CSGALNACT1: variants seen among roughly 807,000 people sequenced by gnomAD.
CSGALNACT1 encodes the protein chondroitin sulfate N-acetylgalactosaminyltransferase 1.
Under a neutral mutation model 51.0 loss-of-function variants are expected in CSGALNACT1, and 52 were observed. The observed-to-expected ratio is 1.02, with a 90% CI of 0.82 to 1.29. The LOEUF is 1.29. CSGALNACT1 is among the 50% of genes most tolerant of loss of function. The pLI is 0.00. For synonymous variants in CSGALNACT1, 341 were observed against 254.4 expected, an observed-to-expected ratio of 1.34 and a Z score of -3.24; for missense variants, 935 against 679.2, an observed-to-expected ratio of 1.38 and a Z score of -4.19.
chr8:19,469,473 A>G (rs560875017), intron 4 of CSGALNACT1, among the ~76,000 whole-genome samples: 27 of 152,294 alleles, frequency 1.8e-4, no homozygotes, highest in African/African-American at 6.3e-4. Flanking sequence ...TAGTCTTATC[A>G]ATAAGTTTCA....
At chr8:19,672,717 G>T (rs1453056046) in intron 1 of CSGALNACT1, among the ~76,000 whole-genome samples, 3 of 151,918 alleles carry the variant, frequency 2.0e-5, no homozygotes, top group Non-Finnish European at 4.4e-5. Context: ...TCCAACCATA[G>T]TATTTAGCTG....
intron 4 of CSGALNACT1, among the ~76,000 whole-genome samples, chr8:19,459,380 C>G (rs2064861959): frequency 1.0e-5 from 1 of 95,768 alleles, no homozygotes; most frequent in African/African-American, 4.5e-5. Context: ...GAAACTTTAT[C>G]TCAAAAAAAA....
intron 1 of CSGALNACT1, among the ~76,000 whole-genome samples, chr8:19,705,538 C>T (rs1367463825): frequency 6.6e-6 from 1 of 152,104 alleles, no homozygotes; most frequent in Admixed American, 6.5e-5. Flanking sequence ...GAGCTCAAGA[C>T]CAGCTTAGGC....
chr8:19,546,631 A>T (rs1049768856), intron 3 of CSGALNACT1, among the ~76,000 whole-genome samples: 2 of 152,218 alleles, frequency 1.3e-5, no homozygotes, highest in African/African-American at 4.8e-5. Flanking sequence ...CCAAGTCAGT[A>T]TTCTCATGAA....
At chr8:19,610,380 C>G (rs1038124990) in intron 1 of CSGALNACT1, among the ~76,000 whole-genome samples, 1 of 151,802 alleles carries the variant, frequency 6.6e-6, no homozygotes, top group African/African-American at 2.4e-5. Context: ...GATTCCAACC[C>G]CCACGGACCT....
At chr8:19,601,422 G>A (rs1232680495) in intron 2 of CSGALNACT1, among the ~76,000 whole-genome samples, 4 of 152,180 alleles carry the variant, frequency 2.6e-5, no homozygotes, top group Non-Finnish European at 4.4e-5. Context: ...TCCAATGGGA[G>A]AACAAATGTC....
intron 4 of CSGALNACT1, among the ~76,000 whole-genome samples, chr8:19,470,784 C>T (rs917728981): frequency 2.6e-5 from 4 of 152,082 alleles, no homozygotes; most frequent in African/African-American, 7.2e-5. Context: ...GAAGCAATGT[C>T]CTGGGAACAT....
intron 1 of CSGALNACT1, among the ~76,000 whole-genome samples, chr8:19,663,198 T>A (rs748650258): frequency 6.6e-6 from 1 of 152,118 alleles, no homozygotes; most frequent in African/African-American, 2.4e-5. Context: ...CAGCAGTCTA[T>A]TAAAAAAGAT....
upstream of CSGALNACT1, among the ~76,000 whole-genome samples, chr8:19,604,935 G>GT (rs2051153349): frequency 7.6e-6 from 1 of 131,472 alleles, no homozygotes; most frequent in Non-Finnish European, 1.6e-5. Flanking sequence ...AAAAAAAAAA[G>GT]TAAGTATGGG....
rs185016052 is a variant in CSGALNACT1 at position 19,656,648 on chromosome 8, A to T, written c.-544+25825T>A. On this transcript the variant is annotated intron_variant, in intron 1 of 9. Transcript: ENST00000332246. ...AAAGACTTCAAACATTAGAATTATCAAACATGAAATATCAAACAATCATGT... is the reference window on the plus strand; with the variant it reads ...AAAGACTTCAAACATTAGAATTATCTAACATGAAATATCAAACAATCATGT... 2.9e-3 allele frequency among the ~76,000 whole-genome samples: 432 copies of T among 151,062 alleles called. 1 individual carries two copies. Among genetic ancestry groups the T allele is most frequent in the Non-Finnish European group, 4.0e-3 (272 of 67,558 alleles).
intron 1 of CSGALNACT1, among the ~76,000 whole-genome samples, chr8:19,653,147 T>C (rs1589281300): frequency 6.6e-6 from 1 of 152,240 alleles, no homozygotes; most frequent in East Asian, 1.9e-4. Flanking sequence ...GGAACCAGTA[T>C]CCACTCAGTT....
chr8:19,682,268 C>T (rs993647872), intron 1 of CSGALNACT1, among the ~76,000 whole-genome samples: 5 of 152,136 alleles, frequency 3.3e-5, no homozygotes, highest in African/African-American at 9.7e-5. Context: ...TAGGAGCGAG[C>T]CTGTCTCTCC....
chr8:19,700,333 G>C (rs2061795870), intron 1 of CSGALNACT1, among the ~76,000 whole-genome samples: 1 of 152,090 alleles, frequency 6.6e-6, no homozygotes, highest in Non-Finnish European at 1.5e-5. Context: ...TTGAGGTTAG[G>C]AAGTCATTAT....
intron 1 of CSGALNACT1, among the ~76,000 whole-genome samples, chr8:19,623,691 A>G (rs1251669970): frequency 3.3e-5 from 5 of 152,246 alleles, no homozygotes; most frequent in African/African-American, 1.2e-4. Context: ...ATGACTGGAA[A>G]ATCCCCAGGT....
At chr8:19,519,562 C>G (rs913892579) in intron 3 of CSGALNACT1, among the ~76,000 whole-genome samples, 25 of 152,256 alleles carry the variant, frequency 1.6e-4, no homozygotes, top group African/African-American at 6.0e-4. Context: ...AAAACATCAC[C>G]TCTAAACAGA....
chr8:19,609,449 T>TA (rs1455403305), intron 1 of CSGALNACT1, among the ~76,000 whole-genome samples: 7 of 151,466 alleles, frequency 4.6e-5, no homozygotes, highest in African/African-American at 1.7e-4. Flanking sequence ...TTCCACACCA[T>TA]AGCCAGGTAA....
intron 1 of CSGALNACT1, among the ~76,000 whole-genome samples, chr8:19,749,087 A>T (rs141458293): frequency 6.6e-6 from 1 of 151,988 alleles, no homozygotes; most frequent in African/African-American, 2.4e-5. Context: ...CAGTTCATTC[A>T]TTCCGAGATT....
chr8:19,597,627 A>G (rs1444687403), intron 2 of CSGALNACT1, among the ~76,000 whole-genome samples: 2 of 152,094 alleles, frequency 1.3e-5, no homozygotes, highest in African/African-American at 4.8e-5. Flanking sequence ...TAAACAATTA[A>G]TTTAACTAAG....
At chr8:19,421,840 A>G (rs1180116579) in intron 6 of CSGALNACT1, among the ~76,000 whole-genome samples, 1 of 152,160 alleles carries the variant, frequency 6.6e-6, no homozygotes. Flanking sequence ...CCCATGTCAG[A>G]GTTTGATGCC....
Sources: allele counts gnomAD v4.1 joint callset (sites outside exome capture counted in the v4.1 genomes callset), GRCh38; gene constraint gnomAD v4.1.1; transcripts MANE v1.5; gene names NCBI Gene and HGNC (gene_info 2026-07-23, HGNC 2026-07-21).